ZNF804B: variants seen among roughly 807,000 people sequenced by gnomAD.
ZNF804B encodes zinc finger 804B.
Under a neutral mutation model 101.4 loss-of-function variants are expected in ZNF804B, and 80 were observed. That is an observed-to-expected ratio of 0.79 (90% CI 0.66 to 0.95). ZNF804B has a LOEUF of 0.95. ZNF804B is among the 40% of genes least tolerant of loss of function. The pLI, the probability that ZNF804B is intolerant of heterozygous loss-of-function variation, is 0.00. For missense variants in ZNF804B, 1,673 were observed against 1,561.9 expected, an observed-to-expected ratio of 1.07 and a Z score of -1.20; for synonymous variants, 622 against 558.8, an observed-to-expected ratio of 1.11 and a Z score of -1.59.
chr7:89,188,303 T>C (rs1477730554), intron 1 of ZNF804B, among the ~76,000 whole-genome samples: 1 of 152,284 alleles, frequency 6.6e-6, no homozygotes, highest in African/African-American at 2.4e-5. Context: ...CATGTTCATA[T>C]AGAACTGTGA....
At chr7:88,919,008 A>T (rs1023940417) in intron 1 of ZNF804B, among the ~76,000 whole-genome samples, 1 of 151,448 alleles carries the variant, frequency 6.6e-6, no homozygotes, top group African/African-American at 2.4e-5. Context: ...AAGTTACTTA[A>T]TTTTTTTTTA....
intron 1 of ZNF804B, among the ~76,000 whole-genome samples, chr7:88,776,265 G>A (rs945206198): frequency 2.0e-5 from 3 of 152,184 alleles, no homozygotes; most frequent in Non-Finnish European, 2.9e-5. Flanking sequence ...TCCTTAAAAT[G>A]TTCTCAGTAG....
intron 1 of ZNF804B, among the ~76,000 whole-genome samples, chr7:89,162,984 C>T (rs1240816962): frequency 1.3e-5 from 2 of 151,306 alleles, no homozygotes; most frequent in African/African-American, 4.9e-5. Flanking sequence ...TCATCCATGT[C>T]CCTACAAAGG....
rs574904780 is a variant in ZNF804B at position 89,295,459 on chromosome 7, A to G, written c.250-31885A>G. Among the ~76,000 whole-genome samples, 5 of 152,092 alleles carry G rather than the reference A, an allele frequency of 3.3e-5. No individual in the cohort carries two copies. The East Asian group carries it at 9.7e-4, about 29-fold the overall frequency. ...TTTCGTGCAAATGCTTTATACTCCT[A>G]TTTTATGCTGAATGGTTTTTCTCCA... is the stretch of plus-strand genomic sequence containing the variant. On this transcript the variant is annotated intron_variant, in intron 2 of 3. Transcript: ENST00000333190.
intron 1 of ZNF804B, among the ~76,000 whole-genome samples, chr7:89,177,345 A>AT (rs1316131913): frequency 2.0e-5 from 3 of 152,008 alleles, no homozygotes; most frequent in Admixed American, 6.6e-5. Flanking sequence ...CACTTTAAAA[A>AT]TTTTTCTTCT....
At chr7:88,994,518 A>T (rs1793892704) in intron 1 of ZNF804B, among the ~76,000 whole-genome samples, 1 of 152,014 alleles carries the variant, frequency 6.6e-6, no homozygotes, top group Non-Finnish European at 1.5e-5. Flanking sequence ...GTGATTTTTA[A>T]CTTTTTCACT....
At chr7:88,849,503 T>C (rs1583974594) in intron 1 of ZNF804B, among the ~76,000 whole-genome samples, 1 of 151,478 alleles carries the variant, frequency 6.6e-6, no homozygotes, top group Non-Finnish European at 1.5e-5. Context: ...GGTATTTTTT[T>C]ATTTTTATTT....
intron 1 of ZNF804B, among the ~76,000 whole-genome samples, chr7:89,137,851 A>G (rs1330815574): frequency 1.3e-5 from 2 of 152,028 alleles, no homozygotes; most frequent in African/African-American, 4.8e-5. Context: ...CTCATCACAC[A>G]CCGAGAGGCC....
chr7:88,955,119 A>G (rs1479963483), intron 1 of ZNF804B, among the ~76,000 whole-genome samples: 10 of 151,154 alleles, frequency 6.6e-5, no homozygotes, highest in Non-Finnish European at 3.0e-5. Flanking sequence ...AAAAGGAAAA[A>G]AAAGTTTTTT....
chr7:88,855,690 C>T (rs1791544699), intron 1 of ZNF804B, among the ~76,000 whole-genome samples: 1 of 152,152 alleles, frequency 6.6e-6, no homozygotes, highest in Non-Finnish European at 1.5e-5. Context: ...ATGCCTATGT[C>T]CTGAATGGTA....
chr7:88,800,206 T>C (rs1006434753), intron 1 of ZNF804B, among the ~76,000 whole-genome samples: 1 of 152,110 alleles, frequency 6.6e-6, no homozygotes, highest in Non-Finnish European at 1.5e-5. Context: ...ATATTTGATT[T>C]AGCATAGCAA....
At chr7:89,280,076 A>G (rs1281194283) in intron 2 of ZNF804B, among the ~76,000 whole-genome samples, 1 of 152,194 alleles carries the variant, frequency 6.6e-6, no homozygotes, top group Non-Finnish European at 1.5e-5. Flanking sequence ...CCACAGTGCA[A>G]TCAAACTAGA....
At chr7:89,027,056 A>G (rs1337869813) in intron 1 of ZNF804B, among the ~76,000 whole-genome samples, 1 of 152,154 alleles carries the variant, frequency 6.6e-6, no homozygotes, top group Non-Finnish European at 1.5e-5. Context: ...AGAGTTGACA[A>G]ATGAAATAAA....
chr7:89,335,218 G>A lies in ZNF804B; in HGVS notation c.2236G>A (p.Glu746Lys), dbSNP rs555913770. ...RGNLLCFHKR[E>K]HHSVERHKRK... Reference sequence around the variant, plus strand: ...TAATTTGCTCTGCTTCCATAAAAGAGAACACCACTCAGTTGAAAGGCACAA... The same window carrying A: ...TAATTTGCTCTGCTTCCATAAAAGAAAACACCACTCAGTTGAAAGGCACAA... Residue 746 changes from glutamate to lysine, a missense_variant, in exon 4 of 4, where the codon GAA becomes AAA. Physicochemically the swap from Glu to Lys is moderately conservative, Grantham distance 56 (BLOSUM62 1). Coordinates refer to ENST00000333190, the MANE Select transcript of ZNF804B (RefSeq NM_181646.5). 6.2e-7 allele frequency: 1 copy of A among 1,613,840 alleles called. No homozygotes were observed. Among genetic ancestry groups the A allele is most frequent in the South Asian group, 1.1e-5 (1 of 91,078 alleles).
chr7:89,265,291 T>TGCAC (rs1380868471), intron 2 of ZNF804B, among the ~76,000 whole-genome samples: 4 of 63,680 alleles, frequency 6.3e-5, no homozygotes, highest in African/African-American at 1.8e-4. Flanking sequence ...TGTGTGTGTG[T>TGCAC]GTGCGCGTGC....
At chr7:89,176,761 T>A (rs543685167) in intron 1 of ZNF804B, among the ~76,000 whole-genome samples, 3 of 151,894 alleles carry the variant, frequency 2.0e-5, no homozygotes, top group Non-Finnish European at 4.4e-5. Context: ...TGAAGTTATA[T>A]GATCCCAAGT....
At chr7:89,172,608 G>T (rs1338333427) in intron 1 of ZNF804B, among the ~76,000 whole-genome samples, 1 of 152,074 alleles carries the variant, frequency 6.6e-6, no homozygotes, top group African/African-American at 2.4e-5. Context: ...TTATAGCAAT[G>T]TAACAAATTT....
intron 1 of ZNF804B, among the ~76,000 whole-genome samples, chr7:89,198,074 C>A (rs12704446): frequency 6.6e-6 from 1 of 151,518 alleles, no homozygotes; most frequent in South Asian, 2.1e-4. Flanking sequence ...AGCAAACAAA[C>A]GGATTATTAA....
chr7:88,923,074 G>T (rs190214618), intron 1 of ZNF804B, among the ~76,000 whole-genome samples: 1 of 151,928 alleles, frequency 6.6e-6, no homozygotes, highest in South Asian at 2.1e-4. Flanking sequence ...TAATTATGAG[G>T]TATAGAATAT....
Sources: gnomAD v4.1 joint callset for allele counts (sites outside exome capture counted in the v4.1 genomes callset) on GRCh38, gnomAD v4.1.1 for gene constraint, MANE v1.5 for transcripts, NCBI Gene and HGNC (gene_info 2026-07-23, HGNC 2026-07-21) for gene names.